AGAP1: variants seen among roughly 807,000 people sequenced by gnomAD.
AGAP1 encodes the protein arf-GAP with GTPase, ANK repeat and PH domain-containing protein 1.
A neutral mutation model predicts 105.3 loss-of-function variants in AGAP1; 29 were observed. The observed-to-expected ratio is 0.28, with a 90% CI of 0.21 to 0.38. The LOEUF is 0.38. AGAP1 is among the 10% of genes least tolerant of loss of function. The pLI is 1.00. For synonymous variants in AGAP1, 509 were observed against 485.9 expected (o/e 1.05, Z -0.63); for missense variants, 998 against 1,165.1 (o/e 0.86, Z 2.09).
chr2:235,872,682 T>A lies in AGAP1; in HGVS notation c.1051-10663T>A, dbSNP rs2049504616. Among the ~76,000 whole-genome samples the A allele has an allele frequency of 6.6e-6, 1 of 152,190 alleles. No homozygotes were observed. Among genetic ancestry groups the A allele is most frequent in the African/African-American group, 2.4e-5 (1 of 41,454 alleles). On this transcript the variant is annotated intron_variant, in intron 9 of 17. Coordinates refer to ENST00000304032, the MANE Select transcript of AGAP1 (RefSeq NM_001037131.3). The surrounding 1 kb of genome is among the most constrained non-coding windows in gnomAD (Gnocchi z 4.5). ...TGTGAAAGTTCGGACTGATTGAACA[T>A]AGAGGAGGCTGTCTGCGCGCTCAGC... is the stretch of plus-strand genomic sequence containing the variant.
chr2:235,858,470 G>T (rs529017451), intron 9 of AGAP1, among the ~76,000 whole-genome samples: 1 of 152,228 alleles, frequency 6.6e-6, no homozygotes, highest in East Asian at 1.9e-4. Flanking sequence ...TGGGCAGAAC[G>T]TATATATCCT....
rs149693127 is a variant in AGAP1 at position 235,944,222 on chromosome 2, T to TG, written c.1483+13305dup. Reference sequence around the variant, plus strand: ...TTATAATTACATTGAGAAAACAGAATGGGGGGCTTCAAATTATCGATAAAT... The same window carrying TG: ...TTATAATTACATTGAGAAAACAGAATGGGGGGGCTTCAAATTATCGATAAAT... On this transcript the variant is annotated intron_variant, in intron 12 of 17. Coordinates refer to ENST00000304032, the MANE Select transcript of AGAP1 (RefSeq NM_001037131.3). Among the ~76,000 whole-genome samples, 1,410 of 152,264 alleles carry TG rather than the reference T, an allele frequency of 9.3e-3. 21 individuals carry two copies. The highest frequency in any genetic ancestry group is 0.032 in the African/African-American group (1,326 of 41,546).
intron 16 of AGAP1, 70 bp downstream of exon 16, chr2:236,049,351 A>G: frequency 7.0e-7 from 1 of 1,431,120 alleles, no homozygotes; most frequent in Non-Finnish European, 9.7e-7. Flanking sequence ...AGTGATCATA[A>G]TGACAGCCAC....
chr2:235,533,810 C>T (rs1028849068), intron 1 of AGAP1, among the ~76,000 whole-genome samples: 30 of 152,256 alleles, frequency 2.0e-4, no homozygotes, highest in African/African-American at 6.8e-4. Flanking sequence ...CCCCTCCCCG[C>T]TGGCCCCTCT....
rs2055654177 is a variant in AGAP1, at chr2:235,993,341, C to T, written c.1645+24718C>T. Reference sequence around the variant, plus strand: ...AACATTTCACTTGGGTTAGCCTTGTCCCTTCGACTAGGCTGGAAGCCCAAG... The same window carrying T: ...AACATTTCACTTGGGTTAGCCTTGTTCCTTCGACTAGGCTGGAAGCCCAAG... On this transcript the variant is annotated intron_variant, in intron 13 of 17. Coordinates refer to ENST00000304032, the MANE Select transcript of AGAP1 (RefSeq NM_001037131.3). The surrounding 1 kb of genome is among the most constrained non-coding windows in gnomAD (Gnocchi z 5.0). Among the ~76,000 whole-genome samples the T allele has an allele frequency of 6.6e-6, 1 of 152,164 alleles. No homozygotes were observed. Among genetic ancestry groups the T allele is most frequent in the Non-Finnish European group, 1.5e-5 (1 of 68,038 alleles).
Position 235,877,053 on chromosome 2 carries a change from G to A in AGAP1, c.1051-6292G>A, listed in dbSNP as rs1295224039. Reference sequence around the variant, plus strand: ...AGTAGAGTTGGGGCTTCACCATTTGGTCAGGCTGGTCTCAAACTCCTGACC... The same window carrying A: ...AGTAGAGTTGGGGCTTCACCATTTGATCAGGCTGGTCTCAAACTCCTGACC... On this transcript the variant is annotated intron_variant, in intron 9 of 17. Transcript: ENST00000304032. This position sits in a 1 kb window ranked among gnomAD's most constrained non-coding sequence, Gnocchi z 4.3. Among the ~76,000 whole-genome samples, 2 of 151,838 alleles carry A rather than the reference G, an allele frequency of 1.3e-5. No homozygotes were observed. The highest frequency in any genetic ancestry group is 2.4e-5 in the African/African-American group (1 of 41,330).
At chr2:236,060,390 A>G (rs1483574418) in intron 16 of AGAP1, among the ~76,000 whole-genome samples, 1 of 152,190 alleles carries the variant, frequency 6.6e-6, no homozygotes, top group Non-Finnish European at 1.5e-5. Context: ...TATCCAGAAT[A>G]TATAAAGAAC....
chr2:235,695,904 A>T (rs1484793707), intron 1 of AGAP1, among the ~76,000 whole-genome samples: 1 of 152,170 alleles, frequency 6.6e-6, no homozygotes, highest in Non-Finnish European at 1.5e-5. Context: ...TCTGTGATGT[A>T]GTCTTCAAGT....
intron 1 of AGAP1, among the ~76,000 whole-genome samples, chr2:235,545,899 T>C (rs6718421): frequency 0.15 from 22,696 of 152,216 alleles, 1,921 homozygotes; most frequent in East Asian, 0.31. Flanking sequence ...AGTATTTGGG[T>C]GACTGACTTC....
chr2:235,816,463 GAA>G (rs1289276064), intron 9 of AGAP1, among the ~76,000 whole-genome samples: 13 of 138,946 alleles, frequency 9.4e-5, no homozygotes, highest in Middle Eastern at 7.6e-3. Context: ...AAAAAGGAAA[GAA>G]AGAGCAGGAG....
At chr2:235,626,070 C>T (rs528416290) in intron 1 of AGAP1, among the ~76,000 whole-genome samples, 1 of 152,124 alleles carries the variant, frequency 6.6e-6, no homozygotes, top group East Asian at 1.9e-4. Flanking sequence ...TGAATATAGG[C>T]CAGTGCGGTG....
chr2:236,107,257 G>A (rs1006512381), intron 16 of AGAP1, among the ~76,000 whole-genome samples: 5 of 152,204 alleles, frequency 3.3e-5, no homozygotes, highest in African/African-American at 1.2e-4. Context: ...TCCTTGCCCA[G>A]AGAGGCCTGG....
At chr2:236,093,928 G>A (rs1192018936) in intron 16 of AGAP1, among the ~76,000 whole-genome samples, 1 of 152,050 alleles carries the variant, frequency 6.6e-6, no homozygotes, top group African/African-American at 2.4e-5. Flanking sequence ...AAACACAACA[G>A]AACACTTTTT....
intron 12 of AGAP1, among the ~76,000 whole-genome samples, chr2:235,950,379 G>A (rs919138659): frequency 2.0e-5 from 3 of 151,854 alleles, no homozygotes; most frequent in African/African-American, 4.8e-5. Flanking sequence ...ATCACAGGGT[G>A]TGTGGGCAGG....
Position 235,989,228 on chromosome 2 carries a change from G to C in AGAP1, c.1645+20605G>C, listed in dbSNP as rs145543090. Among the ~76,000 whole-genome samples, 180 of 152,302 alleles carry C rather than the reference G, an allele frequency of 1.2e-3. 1 individual carries two copies. The highest frequency in any genetic ancestry group is 4.2e-3 in the African/African-American group (174 of 41,560). On this transcript the variant is annotated intron_variant, in intron 13 of 17. Transcript: ENST00000304032. This position sits in a 1 kb window ranked among gnomAD's most constrained non-coding sequence, Gnocchi z 4.4. ...CTGGAATTAGATATTTTTCGTTCAA[G>C]CTGCTGACAGGTATTTATTGACCAG...
chr2:235,807,638 C>G (rs916067514), intron 9 of AGAP1, among the ~76,000 whole-genome samples: 3 of 152,196 alleles, frequency 2.0e-5, no homozygotes, highest in African/African-American at 7.2e-5. Flanking sequence ...GGCCGCGGGC[C>G]GCCGGGCAAC....
In AGAP1 at chr2:235,712,699, CGGTGACCCCTGCACAGA is replaced by C. The variant is rs1302023521; in HGVS notation, c.222+3466_222+3482del. ...AACGCACTTCATGTGCCTGCACAGA[CGGTGACCCCTGCACAGA>C]GGTTGACAGTGGCAACCTCTTCCTG... On this transcript the variant is annotated intron_variant, in intron 2 of 17. Coordinates refer to ENST00000304032, the MANE Select transcript of AGAP1 (RefSeq NM_001037131.3). The surrounding 1 kb of genome is among the most constrained non-coding windows in gnomAD (Gnocchi z 6.0). 5.0e-4 allele frequency among the ~76,000 whole-genome samples: 76 copies of C among 152,316 alleles called. No individual in the cohort carries two copies. The highest frequency in any genetic ancestry group is 1.8e-3 in the African/African-American group (74 of 41,570).
rs1248600796 is a variant in AGAP1, at chr2:235,867,413, C to T, written c.1051-15932C>T. On this transcript the variant is annotated intron_variant, in intron 9 of 17. Transcript: ENST00000304032. This position sits in a 1 kb window ranked among gnomAD's most constrained non-coding sequence, Gnocchi z 5.4. Reference sequence around the variant, plus strand: ...ATTTGGCCGACATGTGGGAGCTTGCCGGCCCCAGTCCCGTAGGATCCCCAA... The same window carrying T: ...ATTTGGCCGACATGTGGGAGCTTGCTGGCCCCAGTCCCGTAGGATCCCCAA... Among the ~76,000 whole-genome samples the T allele has an allele frequency of 6.6e-6, 1 of 152,104 alleles. No individual in the cohort carries two copies. Among genetic ancestry groups the T allele is most frequent in the African/African-American group, 2.4e-5 (1 of 41,422 alleles).
rs548511974 is a variant in AGAP1, at chr2:235,889,339, C to T, written c.1155+5890C>T. ...GGCTGGTGTGAGGCTGAAAATGTAC[C>T]TAGAATGGGTCGGCTGCCTGGGAAC... On this transcript the variant is annotated intron_variant, in intron 10 of 17. Transcript: ENST00000304032. This position sits in a 1 kb window ranked among gnomAD's most constrained non-coding sequence, Gnocchi z 4.6. 1.3e-3 allele frequency among the ~76,000 whole-genome samples: 191 copies of T among 152,224 alleles called. No homozygotes were observed. Among genetic ancestry groups the T allele is most frequent in the African/African-American group, 4.5e-3 (185 of 41,532 alleles).
Sources: allele counts gnomAD v4.1 joint callset (sites outside exome capture counted in the v4.1 genomes callset), GRCh38; gene constraint gnomAD v4.1.1; non-coding constraint Gnocchi (gnomAD v3.1); transcripts MANE v1.5; gene names NCBI Gene and HGNC (gene_info 2026-07-23, HGNC 2026-07-21).